The following SLC35E4 variants were observed in gnomAD, a reference collection of about 807,000 sequenced individuals.
SLC35E4 encodes solute carrier family 35, member E4.
A neutral mutation model predicts 19.3 loss-of-function variants in SLC35E4; 15 were observed. That is an observed-to-expected ratio of 0.78 (90% CI 0.52 to 1.20). The LOEUF (loss-of-function observed/expected upper bound fraction) is 1.20. Among genes scored for constraint, SLC35E4 ranks in the 50% most tolerant of loss-of-function variants. The probability of loss-of-function intolerance (pLI) is 0.00; values close to 1 mark genes in which losing one functional copy is unlikely to be tolerated. For synonymous variants in SLC35E4, 219 were observed against 219.9 expected, an observed-to-expected ratio of 1.00 and a Z score of 0.04; for missense variants, 406 against 472.3, an observed-to-expected ratio of 0.86 and a Z score of 1.30.
intron 1 of SLC35E4, among the ~76,000 whole-genome samples, chr22:30,639,610 C>T (rs1412600157): frequency 2.6e-5 from 4 of 152,192 alleles, no homozygotes; most frequent in African/African-American, 9.7e-5. Flanking sequence ...GAGGCCTACC[C>T]TCAGGGACGC....
At chr22:30,663,694 A>G (rs781558841), downstream of SLC35E4, 2 of 1,614,264 alleles carry the variant, frequency 1.2e-6, no homozygotes, top group Non-Finnish European at 1.7e-6. Context: ...CCAGCAGCAC[A>G]GTGCAGCAAA....
chr22:30,657,571 A>T (rs1318855319), intron 2 of SLC35E4, among the ~76,000 whole-genome samples: 3 of 151,778 alleles, frequency 2.0e-5, no homozygotes, highest in Non-Finnish European at 4.4e-5. Flanking sequence ...CCAGCCTGGG[A>T]AATATGGTGA....
chr22:30,655,429 C>CAAAAAA (rs5844917), intron 2 of SLC35E4, among the ~76,000 whole-genome samples: 28 of 111,558 alleles, frequency 2.5e-4, no homozygotes, highest in African/African-American at 5.8e-4. Context: ...GAGATCCTAC[C>CAAAAAA]AAAAAAAAAA....
intron 2 of SLC35E4, chr22:30,662,029 C>CT (rs2088486152): frequency 6.3e-5 from 5 of 79,750 alleles, no homozygotes; most frequent in African/African-American, 1.5e-4. Flanking sequence ...GGACTTAAAC[C>CT]ATTTTTTTTT....
intron 1 of SLC35E4, among the ~76,000 whole-genome samples, chr22:30,639,210 C>T (rs542312284): frequency 6.6e-6 from 1 of 152,194 alleles, no homozygotes; most frequent in East Asian, 1.9e-4. Context: ...TCGGCAGGTT[C>T]CGTGATGCCC....
At chr22:30,659,111 G>T (rs182133439) in intron 2 of SLC35E4, among the ~76,000 whole-genome samples, 1 of 124,388 alleles carries the variant, frequency 8.0e-6, no homozygotes, top group African/African-American at 3.1e-5. Flanking sequence ...GCGACACAGC[G>T]AGACTCCATC....
At chr22:30,657,276 A>AC (rs990639930) in intron 2 of SLC35E4, among the ~76,000 whole-genome samples, 1,527 of 14,142 alleles carry the variant, frequency 0.11, 20 homozygotes, top group African/African-American at 0.35. Context: ...CTCTACTAAA[A>AC]ACACACACAC....
rs944657556 is a variant in SLC35E4 at position 30,657,835 on chromosome 22, C to T, written c.*9-4225C>T. ...AGGAGAATGACGTGAACTCGGGAGG[C>T]GGAGCTTGCAGTGAGCCAAGATCAC... On this transcript the variant is annotated intron_variant, in intron 2 of 2. Coordinates refer to the SLC35E4 transcript ENST00000406566. 1.3e-4 allele frequency among the ~76,000 whole-genome samples: 19 copies of T among 150,706 alleles called. No homozygotes were observed. The East Asian group carries it at 3.3e-3, about 26-fold the overall frequency.
intron 1 of SLC35E4, among the ~76,000 whole-genome samples, chr22:30,640,644 A>G (rs904510943): frequency 2.3e-4 from 35 of 152,270 alleles, no homozygotes; most frequent in African/African-American, 7.2e-4. Context: ...CCAAGGAGAC[A>G]TAGGGGAGGC....
intron 2 of SLC35E4, chr22:30,654,275 C>T (rs548133331): frequency 4.8e-5 from 21 of 439,142 alleles, no homozygotes; most frequent in Admixed American, 2.0e-4. Context: ...TGAGCCACCG[C>T]GCCCGGCCAT....
chr22:30,659,809 G>C (rs1229599461), intron 2 of SLC35E4, among the ~76,000 whole-genome samples: 2 of 152,114 alleles, frequency 1.3e-5, no homozygotes, highest in Non-Finnish European at 2.9e-5. Flanking sequence ...TATGTTAGTG[G>C]GCTCATTCTA....
At chr22:30,637,988 G>A (rs1238584913) in intron 1 of SLC35E4, among the ~76,000 whole-genome samples, 2 of 152,178 alleles carry the variant, frequency 1.3e-5, no homozygotes, top group Non-Finnish European at 2.9e-5. Flanking sequence ...CAGGCTTGGT[G>A]CTGAGTGTTG....
At chr22:30,661,556 C>T (rs937233624) in intron 2 of SLC35E4, 13 of 150,462 alleles carry the variant, frequency 8.6e-5, no homozygotes, top group Non-Finnish European at 1.8e-4. Context: ...TCAAGCAATT[C>T]TCCTGCCTCA....
At chr22:30,651,686 G>A (rs941925888), downstream of SLC35E4, among the ~76,000 whole-genome samples, 2 of 151,886 alleles carry the variant, frequency 1.3e-5, no homozygotes, top group Non-Finnish European at 2.9e-5. Flanking sequence ...GGGAAGACCT[G>A]TTGTTGTGGT....
chr22:30,661,597 C>T (rs9609037), intron 2 of SLC35E4: 66,759 of 109,926 alleles, frequency 0.61, 17,664 homozygotes, highest in South Asian at 0.7. Context: ...TACAGGCACC[C>T]AGCTGTTAAA....
At chr22:30,643,513 G>A (rs1386736317) in intron 1 of SLC35E4, among the ~76,000 whole-genome samples, 1 of 152,134 alleles carries the variant, frequency 6.6e-6, no homozygotes, top group East Asian at 1.9e-4. Context: ...TGAAGGAGGA[G>A]GAAAGGGTGA....
chr22:30,652,246 C>T (rs952263108), downstream of SLC35E4: 3 of 152,084 alleles, frequency 2.0e-5, no homozygotes, highest in Admixed American at 6.6e-5. Flanking sequence ...CAAGATCAGA[C>T]GAGCCAGTTT....
downstream of SLC35E4, among the ~76,000 whole-genome samples, chr22:30,651,419 ATATATATATTTTTTT>A (rs2088214642): frequency 1.6e-5 from 1 of 64,326 alleles, no homozygotes; most frequent in Admixed American, 2.4e-4. Context: ...ATATATATAT[ATATATATATTTTTTT>A]TTTTTTTTTT....
Position 30,637,037 on chromosome 22 carries a change from C to T in SLC35E4, c.587C>T (p.Thr196Ile). The T allele has an allele frequency of 6.3e-7, 1 of 1,586,114 alleles. No homozygotes were observed. Among genetic ancestry groups the T allele is most frequent in the East Asian group, 2.3e-5 (1 of 44,408 alleles). ...PTGCGFLLAA[T>I]CLRGLKSVQQ... ...GGCTGTGGCTTCCTGCTCGCAGCCA[C>T]CTGCCTCCGCGGACTCAAGTCGGTT... Residue 196 changes from threonine (T) to isoleucine (I), a missense_variant, in exon 1 of 2, where the codon ACC (threonine) becomes ATC (isoleucine). By Grantham distance (89) the Thr-to-Ile change is moderately conservative (BLOSUM62 -1). Coordinates refer to ENST00000343605, the MANE Select transcript of SLC35E4 (RefSeq NM_001001479.4).
Sources: gnomAD v4.1 joint callset for allele counts (sites outside exome capture counted in the v4.1 genomes callset) on GRCh38, gnomAD v4.1.1 for gene constraint, MANE v1.5 for transcripts, NCBI Gene and HGNC (gene_info 2026-07-23, HGNC 2026-07-21) for gene names.